Variants in PCDHGA2 observed in about 807,000 individuals in gnomAD.
PCDHGA2 encodes protocadherin gamma subfamily A, 2.
In PCDHGA2, 40 loss-of-function variants were observed where a neutral mutation model predicts 59.2. The ratio of observed to expected loss-of-function variants is 0.68; its 90% CI spans 0.52 to 0.88. PCDHGA2 has a LOEUF of 0.88. Among genes scored for constraint, PCDHGA2 ranks in the 40% least tolerant of loss-of-function variants. The pLI is 0.00. For synonymous variants in PCDHGA2, 560 were observed against 526.0 expected (o/e 1.06, Z -0.89); for missense variants, 1,226 against 1,204.0 (o/e 1.02, Z -0.27).
chr5:141,358,922 G>T (rs531004724), intron 1 of PCDHGA2, among the ~76,000 whole-genome samples: 2 of 152,248 alleles, frequency 1.3e-5, no homozygotes, highest in South Asian at 4.1e-4. Flanking sequence ...TGTGTGTAGG[G>T]GATATACAAC....
chr5:141,420,789 C>G (rs1403213574), intron 1 of PCDHGA2, among the ~76,000 whole-genome samples: 2 of 152,198 alleles, frequency 1.3e-5, no homozygotes, highest in Non-Finnish European at 2.9e-5. Flanking sequence ...ATTTTGAAAA[C>G]TTTTTAAAAA....
chr5:141,399,362 C>T (rs182743080), intron 1 of PCDHGA2: 5 of 1,613,990 alleles, frequency 3.1e-6, no homozygotes, highest in East Asian at 2.2e-5. Context: ...GAGCAAACCC[C>T]GGAGTACAAT....
At chr5:141,504,961 G>A (rs995382728) in intron 2 of PCDHGA2, among the ~76,000 whole-genome samples, 2 of 151,928 alleles carry the variant, frequency 1.3e-5, no homozygotes, top group Non-Finnish European at 2.9e-5. Flanking sequence ...TCAATGCATT[G>A]GACCAGCCTG....
Position 141,420,946 on chromosome 5 carries a change from A to G in PCDHGA2, c.2425-73861A>G, listed in dbSNP as rs1561791007. 5 of 400,268 alleles carry G rather than the reference A, an allele frequency of 1.2e-5. No homozygotes were observed. In the East Asian group the frequency reaches 1.7e-4, roughly 14 times the overall value. The allele number at this position is 400,268 out of a possible 1,614,324, so 24.8% of individuals were successfully genotyped here. A position where few individuals can be genotyped will look rare whatever the true frequency, so the allele number is the denominator to read the frequency against. ...AGGTGAGCGTAATCATTTCTTCTGG[A>G]ATTTCTTAGTCGTTGCAATAATAAG... On this transcript the variant is annotated intron_variant, in intron 1 of 3. Coordinates refer to ENST00000394576, the MANE Select transcript of PCDHGA2 (RefSeq NM_018915.4).
Position 141,383,223 on chromosome 5 carries a change from C to T in PCDHGA2, c.2424+41828C>T, listed in dbSNP as rs76873890. The T allele has an allele frequency of 1.7e-3, 2,674 of 1,613,922 alleles. 41 individuals are homozygous for T. In the African/African-American group the frequency reaches 0.031, roughly 19 times the overall value. Reference sequence around the variant, plus strand: ...CGCGGTGTCTGGTAAACTTTAACATCCTGATGGAAGATAAAATGAATCTTT... The same window carrying T: ...CGCGGTGTCTGGTAAACTTTAACATTCTGATGGAAGATAAAATGAATCTTT... On this transcript the variant is annotated intron_variant, in intron 1 of 3. Transcript: ENST00000394576.
intron 1 of PCDHGA2, chr5:141,351,914 A>C (rs2149766078): frequency 6.2e-7 from 1 of 1,613,370 alleles, no homozygotes. Flanking sequence ...GGGCGACCTC[A>C]ATGACAATGC....
At chr5:141,382,872 G>T in intron 1 of PCDHGA2, 1 of 1,522,356 alleles carries the variant, frequency 6.6e-7, no homozygotes, top group Non-Finnish European at 8.8e-7. Flanking sequence ...CCCGAGATCG[G>T]CGCCTAAGCA....
intron 1 of PCDHGA2, chr5:141,362,322 T>A (rs369360424): frequency 5.1e-5 from 83 of 1,614,066 alleles, no homozygotes; most frequent in Admixed American, 1.3e-4. Context: ...GTTTTCAGCC[T>A]GGTCTCAGCT....
At chr5:141,361,302 T>C (rs1486382277) in intron 1 of PCDHGA2, 1 of 1,613,928 alleles carries the variant, frequency 6.2e-7, no homozygotes, top group African/African-American at 1.3e-5. Flanking sequence ...TGTTGGGAAA[T>C]GCCAAGTTTA....
intron 1 of PCDHGA2, chr5:141,404,476 C>T (rs1453332441): frequency 6.2e-7 from 1 of 1,613,362 alleles, no homozygotes; most frequent in South Asian, 1.1e-5. Context: ...TCTCTATTAA[C>T]TCAGACACTG....
chr5:141,404,932 C>A, intron 1 of PCDHGA2: 1 of 1,613,944 alleles, frequency 6.2e-7, no homozygotes, highest in Non-Finnish European at 8.5e-7. Flanking sequence ...CTGTCACGCT[C>A]ACAGTAGCCA....
At position 141,384,907 on chromosome 5, in the gene PCDHGA2, G is replaced by A. The variant is rs753215361; in HGVS notation, c.2424+43512G>A. 1.5e-5 allele frequency: 24 copies of A among 1,613,952 alleles called. No homozygotes were observed. The South Asian group carries it at 2.3e-4, about 16-fold the overall frequency. ...CGTGGCTGTGGCTGACAGCATCCCCGAAGTCTTGGCCGACCTGGGCAGCCT... is the reference window on the plus strand; with the variant it reads ...CGTGGCTGTGGCTGACAGCATCCCCAAAGTCTTGGCCGACCTGGGCAGCCT... On this transcript the variant is annotated intron_variant, in intron 1 of 3. Transcript: ENST00000394576.
Position 141,409,090 on chromosome 5 carries a change from G to C in PCDHGA2, c.2424+67695G>C, listed in dbSNP as rs181368417. 9.9e-5 allele frequency: 159 copies of C among 1,614,024 alleles called. No individual in the cohort carries two copies. The African/African-American group carries it at 1.9e-3, about 19-fold the overall frequency. On this transcript the variant is annotated intron_variant, in intron 1 of 3. Transcript: ENST00000394576. ...CAAAACATATGTTCTCATTGGATGA[G>C]AAAACAGGTATGATTAAGAATAACC...
At chr5:141,419,917 T>C in intron 1 of PCDHGA2, 1 of 1,612,890 alleles carries the variant, frequency 6.2e-7, no homozygotes, top group Non-Finnish European at 8.5e-7. Context: ...ACTCCCAGGC[T>C]GAGATGCAGT....
intron 1 of PCDHGA2, among the ~76,000 whole-genome samples, chr5:141,347,774 G>C (rs2149746532): frequency 6.7e-6 from 1 of 148,790 alleles, no homozygotes; most frequent in Admixed American, 6.7e-5. Flanking sequence ...GCAATAGAGA[G>C]AGACTCCATC....
chr5:141,436,120 TC>T (rs2154556955), intron 1 of PCDHGA2, among the ~76,000 whole-genome samples: 1 of 152,344 alleles, frequency 6.6e-6, no homozygotes, highest in South Asian at 2.1e-4. Context: ...GAAACCTCTC[TC>T]CTCCATCATC....
Position 141,340,990 on chromosome 5 carries a change from C to G in PCDHGA2, c.2019C>G (p.Ala673=). Residue 673 remains alanine (A), a synonymous_variant, in exon 1 of 4, where the codon GCC becomes GCG. Coordinates refer to ENST00000394576, the MANE Select transcript of PCDHGA2 (RefSeq NM_018915.4). ...AVADRIPDIL[A]DLGSLEPSAI... is the part of the protein sequence containing the mutation. Reference sequence around the variant, plus strand: ...CCGACAGGATCCCCGACATCCTGGCCGACCTGGGCAGCCTCGAGCCCTCCG... The same window carrying G: ...CCGACAGGATCCCCGACATCCTGGCGGACCTGGGCAGCCTCGAGCCCTCCG... The G allele has an allele frequency of 6.2e-7, 1 of 1,613,980 alleles. No homozygotes were observed. Among genetic ancestry groups the G allele is most frequent in the Non-Finnish European group, 8.5e-7 (1 of 1,179,970 alleles).
intron 1 of PCDHGA2, chr5:141,370,741 T>C (rs746594689): frequency 6.2e-7 from 1 of 1,613,900 alleles, no homozygotes; most frequent in Non-Finnish European, 8.5e-7. Flanking sequence ...CCTTTAAACT[T>C]TTTTCATGTA....
intron 1 of PCDHGA2, chr5:141,395,250 C>A: frequency 6.4e-7 from 1 of 1,558,318 alleles, no homozygotes. Context: ...GAGTTTAGTT[C>A]TTTGCTTGCT....
Sources: allele counts gnomAD v4.1 joint callset (sites outside exome capture counted in the v4.1 genomes callset), GRCh38; gene constraint gnomAD v4.1.1; transcripts MANE v1.5; gene names NCBI Gene and HGNC (gene_info 2026-07-23, HGNC 2026-07-21).